The following CDYL variants were observed in gnomAD, a reference collection of about 807,000 sequenced individuals.
CDYL encodes the protein chromodomain Y-like protein.
Under a neutral mutation model 47.3 loss-of-function variants are expected in CDYL, and 8 were observed. The observed-to-expected ratio is 0.17, with a 90% confidence interval of 0.10 to 0.31. The LOEUF (loss-of-function observed/expected upper bound fraction) is 0.31, where lower values mean the gene tolerates loss of function less well. Among genes scored for constraint, CDYL ranks in the 10% least tolerant of loss-of-function variants. The pLI, the probability that CDYL is intolerant of heterozygous loss-of-function variation, is 1.00. For missense variants in CDYL, 471 were observed against 701.4 expected (o/e 0.67, Z 3.71); for synonymous variants, 266 against 265.0 (o/e 1.00, Z -0.04).
chr6:4,928,107 T>A (rs1224373339), intron 2 of CDYL, among the ~76,000 whole-genome samples: 1 of 152,222 alleles, frequency 6.6e-6, no homozygotes, highest in African/African-American at 2.4e-5. Flanking sequence ...CTCATTATTC[T>A]TTTCAAAAAA....
chr6:4,730,674 CAAAAAAAA>C (rs56956798), intron 2 of CDYL, among the ~76,000 whole-genome samples: 4 of 60,452 alleles, frequency 6.6e-5, no homozygotes, highest in South Asian at 6.2e-4. Context: ...AATTCCATCT[CAAAAAAAA>C]AAAAAAAAAA....
rs148526063 is a variant in CDYL at position 4,903,471 on chromosome 6, A to G, written c.691+11092A>G. 3.3e-4 allele frequency among the ~76,000 whole-genome samples: 51 copies of G among 152,308 alleles called. No homozygotes were observed. In the East Asian group the frequency reaches 9.1e-3, roughly 27 times the overall value. ...AATGTCTTTTGATAATTAGCATTTT[A>G]TTGAAAATTATATTGTTTTATCTGA... On this transcript the variant is annotated intron_variant, in intron 2 of 6. Transcript: ENST00000397588.
chr6:4,731,615 A>T (rs753903475), intron 2 of CDYL, among the ~76,000 whole-genome samples: 3 of 152,172 alleles, frequency 2.0e-5, no homozygotes, highest in Non-Finnish European at 2.9e-5. Context: ...CCTGGCCAAC[A>T]TAGTGAAACC....
At chr6:4,793,238 G>A (rs367852698) in intron 1 of CDYL, among the ~76,000 whole-genome samples, 1 of 152,142 alleles carries the variant, frequency 6.6e-6, no homozygotes, top group South Asian at 2.1e-4. Flanking sequence ...TTAATCTGTG[G>A]CACTGGAGAT....
At chr6:4,780,923 C>T (rs924788939) in intron 1 of CDYL, among the ~76,000 whole-genome samples, 3 of 152,094 alleles carry the variant, frequency 2.0e-5, no homozygotes, top group African/African-American at 7.2e-5. Context: ...GAATAAGGAA[C>T]GTATGCTGTA....
At chr6:4,746,477 A>G (rs934169381) in intron 3 of CDYL, among the ~76,000 whole-genome samples, 10 of 152,106 alleles carry the variant, frequency 6.6e-5, no homozygotes, top group Admixed American at 5.2e-4. Flanking sequence ...AAATGGTGAG[A>G]CCCAGACCTA....
intron 2 of CDYL, among the ~76,000 whole-genome samples, chr6:4,903,273 T>C (rs903927977): frequency 1.3e-5 from 2 of 152,116 alleles, no homozygotes; most frequent in African/African-American, 2.4e-5. Flanking sequence ...ACATGTCCTT[T>C]TAAGTGAAGT....
At chr6:4,841,289 G>A (rs1429921145) in intron 1 of CDYL, among the ~76,000 whole-genome samples, 1 of 151,976 alleles carries the variant, frequency 6.6e-6, no homozygotes, top group Admixed American at 6.6e-5. Flanking sequence ...GAGAGTTTTG[G>A]ATCTTCTCCT....
chr6:4,908,744 A>G (rs1757316205), intron 2 of CDYL, among the ~76,000 whole-genome samples: 1 of 152,196 alleles, frequency 6.6e-6, no homozygotes, highest in Non-Finnish European at 1.5e-5. Flanking sequence ...CCAGTAGCCC[A>G]CAGGCAGTCC....
At chr6:4,811,389 G>T (rs1313916443) in intron 1 of CDYL, among the ~76,000 whole-genome samples, 1 of 152,072 alleles carries the variant, frequency 6.6e-6, no homozygotes, top group Non-Finnish European at 1.5e-5. Context: ...GTAGTAATAG[G>T]CTGTCACTGC....
rs1759526391 is a variant in CDYL, at chr6:4,811,459, T to A, written c.24+34652T>A. Among the ~76,000 whole-genome samples, 3 of 152,304 alleles carry A rather than the reference T, an allele frequency of 2.0e-5. No individual in the cohort carries two copies. The South Asian group carries it at 6.2e-4, about 32-fold the overall frequency. On this transcript the variant is annotated intron_variant, in intron 1 of 6. Transcript: ENST00000397588. ...TCTTCTGGTCAGTTATGGATTCTTG[T>A]TTGAGGAGAGGAGCTGGCAACACTA...
intron 1 of CDYL, chr6:4,836,159 T>C (rs986447862): frequency 9.8e-6 from 3 of 306,558 alleles, no homozygotes; most frequent in African/African-American, 2.3e-5. Flanking sequence ...TGAAATCACC[T>C]GTCTTCTGCG....
intron 2 of CDYL, among the ~76,000 whole-genome samples, chr6:4,931,856 C>T (rs1758041779): frequency 6.6e-6 from 1 of 152,150 alleles, no homozygotes. Flanking sequence ...TCTTGGTCAG[C>T]GTGAGCCAAA....
In CDYL at chr6:4,821,260, C is replaced by CTTTTTTT. The variant is rs1176819548; in HGVS notation, c.24+44476_24+44482dup. On this transcript the variant is annotated intron_variant, in intron 1 of 6. Coordinates refer to ENST00000397588, the MANE Select transcript of CDYL (RefSeq NM_004824.4). ...TGATTATCATGGTCATATGGGAATT[C>CTTTTTTT]TTTTTTTTTTTTTTTTTTTTTTTTT... 3.1e-3 allele frequency among the ~76,000 whole-genome samples: 190 copies of CTTTTTTT among 60,394 alleles called. 11 individuals carry two copies. Among genetic ancestry groups the CTTTTTTT allele is most frequent in the Admixed American group, 9.1e-3 (46 of 5,028 alleles). 39.6% of individuals were successfully genotyped at this position (60,394 alleles called of 152,430 possible).
intron 1 of CDYL, among the ~76,000 whole-genome samples, chr6:4,841,918 TAA>T (rs995605081): frequency 1.8e-4 from 27 of 149,320 alleles, no homozygotes; most frequent in Middle Eastern, 3.6e-3. Flanking sequence ...CCTTTTGTTA[TAA>T]GTTATAGTTT....
rs1456339985 is a variant in CDYL, at chr6:4,759,730, T to C, written c.186+24886T>C. 3.3e-5 allele frequency among the ~76,000 whole-genome samples: 5 copies of C among 150,270 alleles called. No individual in the cohort carries two copies. In the East Asian group the frequency reaches 9.8e-4, roughly 30 times the overall value. ...CTCGTCTCTACTTAAAATGCAAAAA[T>C]TAGCCGGGCGTGGGGGTGTGTGCCT... On this transcript the variant is annotated intron_variant, in intron 3 of 8. Coordinates refer to the CDYL transcript ENST00000328908.
intron 1 of CDYL, among the ~76,000 whole-genome samples, chr6:4,876,540 T>C (rs1160283181): frequency 6.6e-6 from 1 of 152,230 alleles, no homozygotes; most frequent in Non-Finnish European, 1.5e-5. Context: ...TAACTTATTG[T>C]GCTTCTAATT....
intron 3 of CDYL, among the ~76,000 whole-genome samples, chr6:4,735,659 A>G (rs1253873132): frequency 6.6e-6 from 1 of 152,018 alleles, no homozygotes; most frequent in Non-Finnish European, 1.5e-5. Context: ...CCAACTACTC[A>G]GGAGGCTGAG....
chr6:4,722,014 C>G (rs1378377150), intron 2 of CDYL, among the ~76,000 whole-genome samples: 2 of 152,114 alleles, frequency 1.3e-5, no homozygotes, highest in Non-Finnish European at 2.9e-5. Context: ...AGGCATGTGC[C>G]TGGCTAATTT....
Sources: gnomAD v4.1 joint callset for allele counts (sites outside exome capture counted in the v4.1 genomes callset) on GRCh38, gnomAD v4.1.1 for gene constraint, MANE v1.5 for transcripts, NCBI Gene and HGNC (gene_info 2026-07-23, HGNC 2026-07-21) for gene names.